GRK7: variants seen among roughly 807,000 people sequenced by gnomAD.
GRK7 encodes the protein rhodopsin kinase GRK7.
A neutral mutation model predicts 34.1 loss-of-function variants in GRK7; 24 were observed. The observed-to-expected ratio is 0.70, with a 90% CI of 0.51 to 0.99. The LOEUF (loss-of-function observed/expected upper bound fraction) is 0.99, where lower values mean the gene tolerates loss of function less well. Ranked by LOEUF, GRK7 falls within the 50% of genes least tolerant of loss-of-function variation. The pLI is 0.00. For missense variants in GRK7, 644 were observed against 707.3 expected (o/e 0.91, Z 1.02); for synonymous variants, 256 against 279.4 (o/e 0.92, Z 0.84).
chr3:141,779,610 A>C (rs940941320), intron 3 of GRK7, among the ~76,000 whole-genome samples: 2 of 152,164 alleles, frequency 1.3e-5, no homozygotes, highest in African/African-American at 4.8e-5. Context: ...GCACAAATGC[A>C]ATGTTGGGTA....
chr3:141,802,917 T>A (rs1453689778), intron 4 of GRK7, among the ~76,000 whole-genome samples: 1 of 152,118 alleles, frequency 6.6e-6, no homozygotes, highest in African/African-American at 2.4e-5. Flanking sequence ...GGGCATCACA[T>A]CCCCCTTCCC....
rs2084568024 is a variant in GRK7, at chr3:141,763,845, C to A, written c.-2108C>A. Among the ~76,000 whole-genome samples the A allele has an allele frequency of 6.6e-6, 1 of 152,128 alleles. No individual in the cohort carries two copies. The highest frequency in any genetic ancestry group is 6.6e-5 in the Admixed American group (1 of 15,264). Reference sequence around the variant, plus strand: ...CTGTGCCCTCCAATATTTACACCAACAAAATTTCCTCCGTCCTCTTCCCTT... The same window carrying A: ...CTGTGCCCTCCAATATTTACACCAAAAAAATTTCCTCCGTCCTCTTCCCTT... On this transcript the variant is annotated 5_prime_UTR_variant, in exon 1 of 6. Transcript: ENST00000682958.
the GRK7 span, among the ~76,000 whole-genome samples, chr3:141,754,287 A>T: frequency 6.6e-6 from 1 of 152,082 alleles, no homozygotes; most frequent in East Asian, 1.9e-4. Flanking sequence ...GTGATGGCTC[A>T]TTCTCCTGCC....
intron 1 of GRK7, among the ~76,000 whole-genome samples, chr3:141,766,939 A>G (rs1303547807): frequency 6.6e-6 from 1 of 152,226 alleles, no homozygotes; most frequent in Non-Finnish European, 1.5e-5. Context: ...TCCTTCAGAT[A>G]TACCAATTAC....
chr3:141,776,473 G>A (rs985099517), intron 2 of GRK7, among the ~76,000 whole-genome samples: 2 of 152,134 alleles, frequency 1.3e-5, no homozygotes, highest in Non-Finnish European at 2.9e-5. Flanking sequence ...AATGTGGACC[G>A]GGGTAACATA....
chr3:141,770,641 C>G (rs139782556), intron 1 of GRK7, among the ~76,000 whole-genome samples: 119 of 151,414 alleles, frequency 7.9e-4, no homozygotes, highest in African/African-American at 2.7e-3. Flanking sequence ...AAATGGCCAA[C>G]AAGCATATAA....
At chr3:141,774,323 G>A (rs920146509) in intron 1 of GRK7, among the ~76,000 whole-genome samples, 2 of 152,126 alleles carry the variant, frequency 1.3e-5, no homozygotes, top group African/African-American at 4.8e-5. Context: ...TCGGGAGGCT[G>A]AGGTAGGAGG....
At chr3:141,753,701 T>C in the GRK7 span, among the ~76,000 whole-genome samples, 1 of 152,242 alleles carries the variant, frequency 6.6e-6, no homozygotes, top group Non-Finnish European at 1.5e-5. Flanking sequence ...ACCCCTGTTT[T>C]ATTATACTGC....
At chr3:141,813,678 G>A (rs553524969) in intron 5 of GRK7, among the ~76,000 whole-genome samples, 5 of 152,322 alleles carry the variant, frequency 3.3e-5, no homozygotes, top group Non-Finnish European at 7.3e-5. Flanking sequence ...CTGGAAGTGG[G>A]TAGGGCTGGG....
chr3:141,807,753 G>A lies in GRK7; in HGVS notation c.1159G>A (p.Gly387Arg). 1.9e-6 allele frequency: 3 copies of A among 1,614,108 alleles called. No homozygotes were observed. The highest frequency in any genetic ancestry group is 2.5e-6 in the Non-Finnish European group (3 of 1,179,954). ...ATGCAGCATTTATGAAATGGTTGCT[G>A]GACGAACACCATTCAAAGATTACAA... ...MGCSIYEMVA[G>R]RTPFKDYKEK... Residue 387 changes from glycine (G) to arginine (R), a missense_variant, in exon 5 of 6, where the codon GGA becomes AGA. Gly to Arg is a moderately radical substitution (Grantham distance 125). Coordinates refer to ENST00000682958, the MANE Select transcript of GRK7 (RefSeq NM_139209.3).
intron 4 of GRK7, among the ~76,000 whole-genome samples, chr3:141,800,029 C>T (rs1710934970): frequency 6.6e-6 from 1 of 152,180 alleles, no homozygotes; most frequent in Non-Finnish European, 1.5e-5. Context: ...CTGAATAGAA[C>T]TTACTGACTG....
At chr3:141,774,810 ATTATT>A (rs1315012245) in intron 2 of GRK7, among the ~76,000 whole-genome samples, 130 bp downstream of exon 2, 1 of 134,750 alleles carries the variant, frequency 7.4e-6, no homozygotes, top group Non-Finnish European at 1.6e-5. Flanking sequence ...TATTATTATT[ATTATT>A]AATTATTATT....
intron 4 of GRK7, among the ~76,000 whole-genome samples, chr3:141,790,158 C>A (rs2084716871): frequency 6.6e-6 from 1 of 152,138 alleles, no homozygotes; most frequent in South Asian, 2.1e-4. Context: ...CATGCTACCA[C>A]GCCCAGCTAA....
At chr3:141,789,636 G>A (rs2084713561) in intron 4 of GRK7, among the ~76,000 whole-genome samples, 1 of 129,438 alleles carries the variant, frequency 7.7e-6, no homozygotes, top group Admixed American at 8.2e-5. Context: ...GCAAAAGATG[G>A]GGACTGGATG....
intron 5 of GRK7, among the ~76,000 whole-genome samples, chr3:141,814,753 T>G (rs1457698706): frequency 6.6e-6 from 1 of 152,170 alleles, no homozygotes; most frequent in Non-Finnish European, 1.5e-5. Flanking sequence ...ATAGGATTGC[T>G]GGGTCAAATG....
intron 1 of GRK7, among the ~76,000 whole-genome samples, chr3:141,766,399 G>A (rs1200280702): frequency 3.9e-5 from 6 of 152,016 alleles, no homozygotes; most frequent in Non-Finnish European, 8.8e-5. Flanking sequence ...TCCTGACCTC[G>A]TGATCCACCC....
At chr3:141,767,853 A>G (rs1273969360) in intron 1 of GRK7, among the ~76,000 whole-genome samples, 2 of 152,156 alleles carry the variant, frequency 1.3e-5, no homozygotes, top group Non-Finnish European at 2.9e-5. Context: ...GGAATGGACT[A>G]TGAGACCCTA....
At chr3:141,804,642 C>CAT (rs1232174920) in intron 4 of GRK7, among the ~76,000 whole-genome samples, 1 of 151,744 alleles carries the variant, frequency 6.6e-6, no homozygotes, top group Admixed American at 6.6e-5. Flanking sequence ...CACTCACACA[C>CAT]ATGCACATAT....
intron 5 of GRK7, among the ~76,000 whole-genome samples, chr3:141,814,587 T>C (rs1711129265): frequency 6.6e-6 from 1 of 152,258 alleles, no homozygotes; most frequent in East Asian, 1.9e-4. Context: ...TATTATTCCA[T>C]ATTGTGTATG....
Sources: allele counts gnomAD v4.1 joint callset (sites outside exome capture counted in the v4.1 genomes callset), GRCh38; gene constraint gnomAD v4.1.1; transcripts MANE v1.5; gene names NCBI Gene and HGNC (gene_info 2026-07-23, HGNC 2026-07-21).